The following GLT8D2 variants were observed in gnomAD, a reference collection of about 807,000 sequenced individuals.
GLT8D2 encodes the protein glycosyltransferase 8 domain containing 2.
A neutral mutation model predicts 44.5 loss-of-function variants in GLT8D2; 45 were observed. That is an observed-to-expected ratio of 1.01 (90% confidence interval 0.80 to 1.30). GLT8D2 has a LOEUF of 1.30. Ranked by LOEUF, GLT8D2 falls within the 50% of genes most tolerant of loss-of-function variation. The pLI is 0.00. For missense variants in GLT8D2, 400 were observed against 430.4 expected (o/e 0.93, Z 0.62); for synonymous variants, 156 against 157.2 (o/e 0.99, Z 0.06).
At chr12:103,989,816 CAA>C (rs1353564467) in intron 10 of GLT8D2, among the ~76,000 whole-genome samples, 2 of 151,886 alleles carry the variant, frequency 1.3e-5, no homozygotes, top group East Asian at 3.9e-4. Context: ...AGACAGAAGA[CAA>C]AATAGAGCAT....
chr12:103,996,618 C>T, intron 8 of GLT8D2, 117 bp downstream of exon 8: 1 of 712,310 alleles, frequency 1.4e-6, no homozygotes, highest in Non-Finnish European at 2.4e-6. Flanking sequence ...CCCTGCAGTC[C>T]AGACTGGCCC....
intron 10 of GLT8D2, among the ~76,000 whole-genome samples, chr12:103,992,146 C>G (rs970724230): frequency 6.6e-6 from 1 of 152,154 alleles, no homozygotes; most frequent in African/African-American, 2.4e-5. Flanking sequence ...GGATTGTGGC[C>G]ATGTGTTAGA....
intron 4 of GLT8D2, among the ~76,000 whole-genome samples, chr12:104,009,777 A>G (rs761068121): frequency 1.3e-5 from 2 of 152,190 alleles, no homozygotes; most frequent in Non-Finnish European, 2.9e-5. Flanking sequence ...TACTGTTCTC[A>G]TGGTAGTGAA....
At chr12:104,056,673 TAC>T (rs1396361249) in intron 1 of GLT8D2, among the ~76,000 whole-genome samples, 8 of 152,222 alleles carry the variant, frequency 5.3e-5, no homozygotes, top group African/African-American at 1.4e-4. Flanking sequence ...CCCCCAATAA[TAC>T]AGTTCAAATT....
chr12:104,025,836 A>T (rs916127801), intron 1 of GLT8D2, among the ~76,000 whole-genome samples: 1 of 152,058 alleles, frequency 6.6e-6, no homozygotes, highest in Non-Finnish European at 1.5e-5. Context: ...TCTGGCAAGG[A>T]GTTTGAACCT....
chr12:104,016,868 A>AAGAAAG (rs1302051349), intron 3 of GLT8D2, among the ~76,000 whole-genome samples: 2 of 151,146 alleles, frequency 1.3e-5, no homozygotes, highest in Non-Finnish European at 2.9e-5. Context: ...GAAAGAAAGA[A>AAGAAAG]AGAAAGAAAG....
chr12:104,047,626 G>A (rs1053622588), intron 1 of GLT8D2, among the ~76,000 whole-genome samples: 11 of 152,044 alleles, frequency 7.2e-5, no homozygotes, highest in Non-Finnish European at 1.5e-4. Context: ...ATTTTACAAG[G>A]GCACTAATCC....
chr12:103,996,603 C>T (rs1352987212), intron 8 of GLT8D2, 132 bp downstream of exon 8: 6 of 646,688 alleles, frequency 9.3e-6, no homozygotes, highest in South Asian at 6.1e-5. Context: ...TGTACTGTTC[C>T]ACCTCCCTGC....
intron 1 of GLT8D2, among the ~76,000 whole-genome samples, chr12:104,027,372 A>G (rs1878709223): frequency 6.6e-6 from 1 of 152,212 alleles, no homozygotes; most frequent in African/African-American, 2.4e-5. Context: ...CACTCCATGA[A>G]AGAAGCCATC....
chr12:104,037,171 G>C (rs1880006809), intron 1 of GLT8D2, among the ~76,000 whole-genome samples: 1 of 152,222 alleles, frequency 6.6e-6, no homozygotes, highest in Non-Finnish European at 1.5e-5. Flanking sequence ...GCAGTGTGTA[G>C]AGGGAAATTT....
chr12:104,001,079 A>G (rs1243220233), intron 5 of GLT8D2, among the ~76,000 whole-genome samples: 1 of 152,210 alleles, frequency 6.6e-6, no homozygotes, highest in Non-Finnish European at 1.5e-5. Context: ...CTTCACAGAA[A>G]CACATACATG....
intron 4 of GLT8D2, among the ~76,000 whole-genome samples, chr12:104,010,361 A>G (rs940147666): frequency 5.3e-5 from 8 of 152,184 alleles, no homozygotes; most frequent in Non-Finnish European, 1.2e-4. Context: ...AATGATTTCA[A>G]TATCCTTTTC....
At chr12:104,004,871 GAAA>G (rs1382552332) in intron 4 of GLT8D2, among the ~76,000 whole-genome samples, 1 of 151,978 alleles carries the variant, frequency 6.6e-6, no homozygotes. Context: ...CACAGAATTG[GAAA>G]AAAATACTTT....
intron 4 of GLT8D2, among the ~76,000 whole-genome samples, chr12:104,012,001 A>G (rs2722210): frequency 0.35 from 53,323 of 151,110 alleles, 9,795 homozygotes; most frequent in African/African-American, 0.43. Context: ...GAGAAACCCC[A>G]TCTCTCCTAA....
intron 1 of GLT8D2, among the ~76,000 whole-genome samples, chr12:104,023,148 G>A (rs535519305): frequency 7.9e-5 from 12 of 152,266 alleles, no homozygotes; most frequent in Admixed American, 7.2e-4. Flanking sequence ...TGCATCAGGG[G>A]GAGGGAGAGC....
upstream of GLT8D2, among the ~76,000 whole-genome samples, chr12:104,050,849 C>CA (rs1425063987): frequency 2.7e-5 from 4 of 149,416 alleles, no homozygotes; most frequent in Non-Finnish European, 4.4e-5. Context: ...GAGTCTCCCT[C>CA]TGTCTCCCAG....
intron 1 of GLT8D2, among the ~76,000 whole-genome samples, chr12:104,047,775 C>G (rs1881330345): frequency 6.6e-6 from 1 of 152,144 alleles, no homozygotes; most frequent in Non-Finnish European, 1.5e-5. Context: ...ACTAGGGGTG[C>G]AGGACAAGAG....
intron 2 of GLT8D2, among the ~76,000 whole-genome samples, chr12:104,020,079 C>G (rs1314730248): frequency 6.6e-6 from 1 of 152,026 alleles, no homozygotes; most frequent in African/African-American, 2.4e-5. Context: ...ACCACCACAC[C>G]CAGCTAAATT....
chr12:104,016,795 GA>G (rs1247717278), intron 3 of GLT8D2, among the ~76,000 whole-genome samples: 1 of 123,112 alleles, frequency 8.1e-6, no homozygotes, highest in African/African-American at 3.1e-5. Flanking sequence ...AGGAAGGAAG[GA>G]AGGAAGGAAG....
Sources: allele counts gnomAD v4.1 joint callset (sites outside exome capture counted in the v4.1 genomes callset), GRCh38; gene constraint gnomAD v4.1.1; transcripts MANE v1.5; gene names NCBI Gene and HGNC (gene_info 2026-07-23, HGNC 2026-07-21).